The following GNA12 variants were observed in gnomAD, a reference collection of about 807,000 sequenced individuals.
GNA12 encodes G protein subunit alpha 12, also known as guanine nucleotide-binding protein subunit alpha-12.
Under a neutral mutation model 26.0 loss-of-function variants are expected in GNA12, and 9 were observed. The observed-to-expected ratio is 0.35, with a 90% confidence interval of 0.21 to 0.60. The LOEUF (loss-of-function observed/expected upper bound fraction) is 0.60. GNA12 is among the 20% of genes least tolerant of loss of function. The pLI is 0.78. For synonymous variants in GNA12, 264 were observed against 219.6 expected (o/e 1.20, Z -1.79); for missense variants, 405 against 525.8 (o/e 0.77, Z 2.25).
chr7:2,819,347 ACACT>A, intron 1 of GNA12, among the ~76,000 whole-genome samples: 1 of 152,330 alleles, frequency 6.6e-6, no homozygotes, highest in South Asian at 2.1e-4. Flanking sequence ...TAGTCTCATG[ACACT>A]CAGGGCAACC....
rs1399295789 is a variant in GNA12 at position 2,794,712 on chromosome 7, G to A, written c.525+216C>T. ...TCCGTATTCCCAGAAGAAAGCTATT[G>A]ATCTTACCTGAGTGGCTCTTGCTCC... On this transcript the variant is annotated intron_variant, in intron 2 of 3. Transcript: ENST00000275364. The A allele has an allele frequency of 6.9e-6, 4 of 579,516 alleles. No individual in the cohort carries two copies. The East Asian group carries it at 1.2e-4, about 17-fold the overall frequency. 35.9% of individuals were successfully genotyped at this position (579,516 alleles called of 1,614,324 possible). A position where few individuals can be genotyped will look rare whatever the true frequency, so the allele number is the denominator to read the frequency against.
chr7:2,839,680 G>C (rs1012042274), intron 1 of GNA12, among the ~76,000 whole-genome samples: 1 of 152,122 alleles, frequency 6.6e-6, no homozygotes, highest in Non-Finnish European at 1.5e-5. Flanking sequence ...CATTGCACCT[G>C]GCCATGACAT....
chr7:2,811,732 C>G (rs1793086128), intron 1 of GNA12, among the ~76,000 whole-genome samples: 1 of 152,236 alleles, frequency 6.6e-6, no homozygotes, highest in Non-Finnish European at 1.5e-5. Flanking sequence ...TCACCCACAG[C>G]TGTGCTGGTC....
At chr7:2,772,026 G>A (rs941328604) in intron 2 of GNA12, among the ~76,000 whole-genome samples, 13 of 152,204 alleles carry the variant, frequency 8.5e-5, no homozygotes, top group African/African-American at 3.1e-4. Context: ...CATGACTGAT[G>A]ACGTCGACTG....
intron 1 of GNA12, among the ~76,000 whole-genome samples, chr7:2,807,987 C>T (rs1792990197): frequency 6.6e-6 from 1 of 152,198 alleles, no homozygotes; most frequent in Non-Finnish European, 1.5e-5. Context: ...CCACAAGCTC[C>T]GTGATCATTT....
At chr7:2,745,321 T>C (rs948891419) in intron 2 of GNA12, among the ~76,000 whole-genome samples, 1 of 152,268 alleles carries the variant, frequency 6.6e-6, no homozygotes, top group African/African-American at 2.4e-5. Flanking sequence ...AGCTGATCTC[T>C]TGGCAGAAAC....
intron 2 of GNA12, among the ~76,000 whole-genome samples, chr7:2,794,350 A>C (rs545219337): frequency 2.6e-5 from 4 of 152,314 alleles, no homozygotes; most frequent in Admixed American, 6.5e-5. Context: ...ATTTTACTTT[A>C]TATACGGTTA....
At chr7:2,826,340 G>A (rs530237363) in intron 1 of GNA12, among the ~76,000 whole-genome samples, 26 of 143,608 alleles carry the variant, frequency 1.8e-4, no homozygotes, top group African/African-American at 6.7e-4. Flanking sequence ...TCACGCCACT[G>A]TACTCCAGCC....
chr7:2,729,547 G>A lies in GNA12; in HGVS notation c.*1634C>T, dbSNP rs1325803297. On this transcript the variant is annotated 3_prime_UTR_variant, in exon 4 of 4. Transcript: ENST00000275364. Reference sequence around the variant, plus strand: ...GATGAGAACGCTGTGCTAACAGGGTGACCCAGAGGCAGGTTTCCCCTCCCT... The same window carrying A: ...GATGAGAACGCTGTGCTAACAGGGTAACCCAGAGGCAGGTTTCCCCTCCCT... 7 of 152,408 alleles carry A rather than the reference G, an allele frequency of 4.6e-5. No individual in the cohort carries two copies. Among genetic ancestry groups the A allele is most frequent in the Non-Finnish European group, 1.0e-4 (7 of 68,044 alleles). The allele number at this position is 152,408 out of a possible 1,614,324, so 9.4% of individuals were successfully genotyped here.
At chr7:2,780,318 C>T (rs1311698242) in intron 2 of GNA12, among the ~76,000 whole-genome samples, 1 of 151,788 alleles carries the variant, frequency 6.6e-6, no homozygotes, top group Admixed American at 6.6e-5. Context: ...ATAAGCAATA[C>T]AATAAACATC....
chr7:2,764,116 G>C (rs1479042688), intron 2 of GNA12, among the ~76,000 whole-genome samples: 1 of 152,098 alleles, frequency 6.6e-6, no homozygotes, highest in Non-Finnish European at 1.5e-5. Context: ...TGTTGCCCAG[G>C]TTAGGGGGCC....
intron 2 of GNA12, chr7:2,763,308 C>T (rs934943038): frequency 2.7e-5 from 5 of 184,282 alleles, no homozygotes; most frequent in African/African-American, 1.2e-4. Flanking sequence ...AGACACAGCC[C>T]GGCTTGCTGA....
chr7:2,790,223 T>C lies in GNA12; in HGVS notation c.525+4705A>G, dbSNP rs114162151. Among the ~76,000 whole-genome samples the C allele has an allele frequency of 1.6e-3, 240 of 152,346 alleles. 1 individual carries two copies. Among genetic ancestry groups the C allele is most frequent in the African/African-American group, 5.5e-3 (228 of 41,586 alleles). On this transcript the variant is annotated intron_variant, in intron 2 of 3. Transcript: ENST00000275364. The stretch of plus-strand genomic sequence containing the variant: ...GATAGAATTGTCTGCTTTTTTCCTT[T>C]ATGCTTAACATAGCCTGATTATTTT...
At chr7:2,812,151 G>A (rs1224036783) in intron 1 of GNA12, among the ~76,000 whole-genome samples, 5 of 152,250 alleles carry the variant, frequency 3.3e-5, no homozygotes, top group Non-Finnish European at 5.9e-5. Flanking sequence ...GTAAGTCCCT[G>A]TGTTACTAAT....
At chr7:2,745,777 C>G (rs1756670145) in intron 2 of GNA12, among the ~76,000 whole-genome samples, 1 of 152,156 alleles carries the variant, frequency 6.6e-6, no homozygotes. Context: ...GGAAACCCAT[C>G]TCACGTGCAG....
chr7:2,730,689 T>C lies in GNA12; in HGVS notation c.*492A>G, dbSNP rs1396624287. 1 of 153,982 alleles carries C rather than the reference T, an allele frequency of 6.5e-6. No individual in the cohort carries two copies. Among genetic ancestry groups the C allele is most frequent in the Admixed American group, 6.4e-5 (1 of 15,608 alleles). 9.5% of individuals were successfully genotyped at this position (153,982 alleles called of 1,614,324 possible). A position where few individuals can be genotyped will look rare whatever the true frequency, so the allele number is the denominator to read the frequency against. ...GGCTCAGGCACTGAGTTTAGCAGCA[T>C]CGGCGTGCACTGGATCTCTACAAGC... On this transcript the variant is annotated 3_prime_UTR_variant, in exon 4 of 4. Transcript: ENST00000275364.
intron 2 of GNA12, among the ~76,000 whole-genome samples, chr7:2,744,492 G>A (rs549762919): frequency 2.0e-5 from 3 of 152,252 alleles, no homozygotes; most frequent in East Asian, 3.9e-4. Flanking sequence ...CAAACAGGAA[G>A]GACATCCACA....
At chr7:2,831,127 G>A (rs1392725799) in intron 1 of GNA12, among the ~76,000 whole-genome samples, 1 of 151,786 alleles carries the variant, frequency 6.6e-6, no homozygotes, top group Non-Finnish European at 1.5e-5. Context: ...TGAGGCATCT[G>A]CTTTAACTAG....
intron 1 of GNA12, among the ~76,000 whole-genome samples, chr7:2,842,189 C>T (rs1779016084): frequency 6.7e-6 from 1 of 148,424 alleles, no homozygotes; most frequent in Non-Finnish European, 1.5e-5. Flanking sequence ...ACAAAGGACG[C>T]TATCTAGGTG....
Sources: gnomAD v4.1 joint callset for allele counts (sites outside exome capture counted in the v4.1 genomes callset) on GRCh38, gnomAD v4.1.1 for gene constraint, MANE v1.5 for transcripts, NCBI Gene and HGNC (gene_info 2026-07-23, HGNC 2026-07-21) for gene names.